Variants in RABEP1 observed in about 807,000 individuals in gnomAD.
RABEP1 encodes the protein rab GTPase-binding effector protein 1.
Under a neutral mutation model 123.4 loss-of-function variants are expected in RABEP1, and 51 were observed. That is an observed-to-expected ratio of 0.41 (90% CI 0.33 to 0.52). The LOEUF (loss-of-function observed/expected upper bound fraction) is 0.52. RABEP1 is among the 20% of genes least tolerant of loss of function. RABEP1 has a pLI of 0.16. For synonymous variants in RABEP1, 347 were observed against 355.2 expected, an observed-to-expected ratio of 0.98 and a Z score of 0.26; for missense variants, 888 against 996.3, an observed-to-expected ratio of 0.89 and a Z score of 1.46.
intron 2 of RABEP1, among the ~76,000 whole-genome samples, chr17:5,322,903 C>T (rs994320720): frequency 3.9e-5 from 6 of 152,082 alleles, no homozygotes; most frequent in African/African-American, 7.2e-5. Flanking sequence ...GGTGAAACTC[C>T]GTCTTTACAA....
intron 1 of RABEP1, among the ~76,000 whole-genome samples, chr17:5,303,381 A>G (rs1016997542): frequency 1.2e-4 from 18 of 152,128 alleles, no homozygotes; most frequent in African/African-American, 4.3e-4. Flanking sequence ...AGCTGAGATG[A>G]CAGGCACGCA....
intron 5 of RABEP1, among the ~76,000 whole-genome samples, chr17:5,341,474 C>T (rs1285482702): frequency 6.6e-6 from 1 of 152,150 alleles, no homozygotes; most frequent in Non-Finnish European, 1.5e-5. Flanking sequence ...TCTCTTGCCT[C>T]CTCTCACCAA....
At chr17:5,317,255 G>A (rs2075307205) in intron 2 of RABEP1, among the ~76,000 whole-genome samples, 1 of 152,210 alleles carries the variant, frequency 6.6e-6, no homozygotes, top group South Asian at 2.1e-4. Flanking sequence ...AGCATGAAAA[G>A]TGGGATTCAT....
chr17:5,353,258 T>C (rs1008716584), intron 7 of RABEP1, among the ~76,000 whole-genome samples: 21 of 152,240 alleles, frequency 1.4e-4, no homozygotes, highest in African/African-American at 5.1e-4. Flanking sequence ...TCTCTTCTCA[T>C]GCAACTGGCA....
At chr17:5,343,276 A>T (rs569474634) in intron 5 of RABEP1, among the ~76,000 whole-genome samples, 205 of 151,768 alleles carry the variant, frequency 1.4e-3, no homozygotes, top group African/African-American at 4.8e-3. Flanking sequence ...TTATCTGGCC[A>T]TGTGCGGTGG....
chr17:5,331,068 C>T (rs1048348537), intron 2 of RABEP1, among the ~76,000 whole-genome samples: 3 of 129,072 alleles, frequency 2.3e-5, no homozygotes, highest in Admixed American at 8.8e-5. Context: ...AGAAACACAG[C>T]GGCTGACTGG....
Position 5,359,784 on chromosome 17 carries a change from G to A in RABEP1, c.1096-1424G>A, listed in dbSNP as rs555788762. On this transcript the variant is annotated intron_variant, in intron 8 of 17. Transcript: ENST00000537505. ...ACAGGGCGTTTAACAACAAAACGTA[G>A]AAAGGATATTATCTTAAAACATTGT... Among the ~76,000 whole-genome samples, 168 of 152,264 alleles carry A rather than the reference G, an allele frequency of 1.1e-3. No homozygotes were observed. In the Middle Eastern group the frequency reaches 0.017, roughly 15 times the overall value.
In RABEP1 at chr17:5,290,673, A is replaced by G. The variant is rs372059688; in HGVS notation, c.34+8153A>G. Among the ~76,000 whole-genome samples, 224 of 152,164 alleles carry G rather than the reference A, an allele frequency of 1.5e-3. 4 individuals are homozygous for G. The East Asian group carries it at 0.039, about 27-fold the overall frequency. On this transcript the variant is annotated intron_variant, in intron 1 of 17. Coordinates refer to ENST00000537505, the MANE Select transcript of RABEP1 (RefSeq NM_004703.6). Reference sequence around the variant, plus strand: ...AGTGCCGCTATCTTAGCTGACTGCAACCTTGGCCTCCCGGGTTCAAGTGAT... The same window carrying G: ...AGTGCCGCTATCTTAGCTGACTGCAGCCTTGGCCTCCCGGGTTCAAGTGAT...
At chr17:5,315,348 TTCCTCCTAG>T (rs1465488913) in intron 2 of RABEP1, among the ~76,000 whole-genome samples, 1 of 152,196 alleles carries the variant, frequency 6.6e-6, no homozygotes, top group Non-Finnish European at 1.5e-5. Context: ...TACTGAGTTC[TTCCTCCTAG>T]TGAGACAAAG....
chr17:5,316,282 G>A (rs908675178), intron 2 of RABEP1, among the ~76,000 whole-genome samples: 4 of 151,216 alleles, frequency 2.6e-5, no homozygotes, highest in African/African-American at 9.7e-5. Flanking sequence ...GAAACCGTGT[G>A]TCTACTAAAA....
intron 1 of RABEP1, among the ~76,000 whole-genome samples, chr17:5,306,542 T>G (rs112764240): frequency 1.5e-4 from 23 of 151,498 alleles, no homozygotes; most frequent in African/African-American, 5.3e-4. Context: ...GCAGAAGAAT[T>G]GCTTGAGTCC....
intron 5 of RABEP1, among the ~76,000 whole-genome samples, chr17:5,344,975 A>T (rs28720097): frequency 4.1e-5 from 6 of 147,708 alleles, no homozygotes; most frequent in Admixed American, 2.7e-4. Context: ...AAAAAAAAAT[A>T]AAAAAAAATA....
In RABEP1 at chr17:5,338,027, G is replaced by A. The variant is rs1318704556; in HGVS notation, c.537G>A (p.Glu179=). The change falls in exon 5 of 18, where the codon GAG becomes GAA. Residue 179 remains glutamate, a synonymous_variant. Transcript: ENST00000537505. ...ATTCTTTTTAACCATAGGCCCAAGAGGATGCTGAGAAACTTCGGTCCGTTG... is the reference window on the plus strand; with the variant it reads ...ATTCTTTTTAACCATAGGCCCAAGAAGATGCTGAGAAACTTCGGTCCGTTG... ...NLENEMKKAQ[E]DAEKLRSVVM... 12 of 1,612,706 alleles carry A rather than the reference G, an allele frequency of 7.4e-6. No homozygotes were observed. The highest frequency in any genetic ancestry group is 1.1e-5 in the South Asian group (1 of 90,870).
In RABEP1 at chr17:5,316,855, AAT is replaced by A. The variant is rs1171136663; in HGVS notation, c.163+8037_163+8038del. On this transcript the variant is annotated intron_variant, in intron 2 of 17. Transcript: ENST00000537505. Reference sequence around the variant, plus strand: ...CTCAAAAAAAAAAAAAAAAAAAAAAAATATAAGAAACAATACAAAATACAGAA... The same window carrying A: ...CTCAAAAAAAAAAAAAAAAAAAAAAAATAAGAAACAATACAAAATACAGAA... Among the ~76,000 whole-genome samples the A allele has an allele frequency of 1.7e-3, 234 of 139,444 alleles. 2 individuals are homozygous for A. Among genetic ancestry groups the A allele is most frequent in the African/African-American group, 5.4e-3 (202 of 37,396 alleles). 91.5% of individuals were successfully genotyped at this position (139,444 alleles called of 152,430 possible).
rs907696880 is a variant in RABEP1 at position 5,382,979 on chromosome 17, A to T, written c.2488-143A>T. On this transcript the variant is annotated intron_variant, in intron 17 of 17. Coordinates refer to ENST00000537505, the MANE Select transcript of RABEP1 (RefSeq NM_004703.6). ...ACGGTAGCTTTGGGGAATTATTTTT[A>T]AAATTTTTAATTGTTCTTGCTGTCT... is the stretch of plus-strand genomic sequence containing the variant. The T allele has an allele frequency of 9.1e-6, 6 of 658,612 alleles. No homozygotes were observed. The Admixed American group carries it at 1.4e-4, about 15-fold the overall frequency. The allele number at this position is 658,612 out of a possible 1,614,324, so 40.8% of individuals were successfully genotyped here.
chr17:5,351,651 A>G (rs1392018890), intron 7 of RABEP1, among the ~76,000 whole-genome samples: 1 of 152,056 alleles, frequency 6.6e-6, no homozygotes, highest in Non-Finnish European at 1.5e-5. Context: ...TAAGAAGAAT[A>G]ATTAGCTGGG....
At chr17:5,299,719 C>CTTTTT (rs146585957) in intron 1 of RABEP1, among the ~76,000 whole-genome samples, 1,115 of 98,618 alleles carry the variant, frequency 0.011, 80 homozygotes, top group African/African-American at 0.02. Flanking sequence ...TTTTTCTTTT[C>CTTTTT]TTTTTCTTTT....
At chr17:5,331,235 T>A (rs1284476504) in intron 2 of RABEP1, among the ~76,000 whole-genome samples, 1 of 152,018 alleles carries the variant, frequency 6.6e-6, no homozygotes, top group East Asian at 1.9e-4. Flanking sequence ...TCAAACTCCT[T>A]ATTAACAGGG....
intron 17 of RABEP1, among the ~76,000 whole-genome samples, chr17:5,382,643 T>G (rs1911574599): frequency 6.6e-6 from 1 of 151,902 alleles, no homozygotes; most frequent in Non-Finnish European, 1.5e-5. Flanking sequence ...TCCCAGCTAC[T>G]TGGGAGGCTG....
Sources: allele counts gnomAD v4.1 joint callset (sites outside exome capture counted in the v4.1 genomes callset), GRCh38; gene constraint gnomAD v4.1.1; transcripts MANE v1.5; gene names NCBI Gene and HGNC (gene_info 2026-07-23, HGNC 2026-07-21).